COL26A1: variants seen among roughly 807,000 people sequenced by gnomAD.
The protein encoded by COL26A1 is collagen type XXVI alpha 1 chain.
A neutral mutation model predicts 59.3 loss-of-function variants in COL26A1; 41 were observed. That is an observed-to-expected ratio of 0.69 (90% CI 0.54 to 0.90). COL26A1 has a LOEUF of 0.90. Among genes scored for constraint, COL26A1 ranks in the 40% least tolerant of loss-of-function variants. The pLI is 0.00. For synonymous variants in COL26A1, 266 were observed against 256.0 expected, an observed-to-expected ratio of 1.04 and a Z score of -0.37; for missense variants, 612 against 602.3, an observed-to-expected ratio of 1.02 and a Z score of -0.17.
chr7:101,548,354 T>C (rs60655684), intron 8 of COL26A1, among the ~76,000 whole-genome samples: 2,901 of 152,170 alleles, frequency 0.019, 84 homozygotes, highest in African/African-American at 0.066. Context: ...GGCTGGAGAT[T>C]AGTCATGAAT....
intron 3 of COL26A1, among the ~76,000 whole-genome samples, chr7:101,448,844 C>T (rs559782116): frequency 6.6e-6 from 1 of 152,316 alleles, no homozygotes; most frequent in East Asian, 1.9e-4. Flanking sequence ...CCTTCGCTTT[C>T]TGACAAAATT....
At chr7:101,501,229 A>T (rs966365366) in intron 3 of COL26A1, among the ~76,000 whole-genome samples, 7 of 151,616 alleles carry the variant, frequency 4.6e-5, no homozygotes, top group Non-Finnish European at 8.8e-5. Flanking sequence ...AAAAAAAAAA[A>T]AAAAGAAATG....
In COL26A1 at chr7:101,539,606, G is replaced by A. The variant is rs371890080; in HGVS notation, c.448-287G>A. Reference sequence around the variant, plus strand: ...GCCTCTTAAAGTGCTGGGATTACAGGCATGAGCCACCACTCCCAGCCAGCA... The same window carrying A: ...GCCTCTTAAAGTGCTGGGATTACAGACATGAGCCACCACTCCCAGCCAGCA... On this transcript the variant is annotated intron_variant, in intron 4 of 12. Transcript: ENST00000313669. Among the ~76,000 whole-genome samples, 44 of 152,226 alleles carry A rather than the reference G, an allele frequency of 2.9e-4. No individual in the cohort carries two copies. In the East Asian group the frequency reaches 2.9e-3, roughly 10 times the overall value.
chr7:101,548,277 G>C (rs1382919537), intron 8 of COL26A1, among the ~76,000 whole-genome samples: 4 of 152,146 alleles, frequency 2.6e-5, no homozygotes, highest in Non-Finnish European at 5.9e-5. Context: ...CACAGGGAGG[G>C]ATCATGAGAG....
intron 1 of COL26A1, among the ~76,000 whole-genome samples, chr7:101,383,048 A>C (rs1463889891): frequency 6.6e-6 from 1 of 152,136 alleles, no homozygotes; most frequent in Non-Finnish European, 1.5e-5. Flanking sequence ...TCTCAAAAAA[A>C]CAAAAACAAG....
chr7:101,469,073 C>T (rs532440667), intron 3 of COL26A1, among the ~76,000 whole-genome samples: 4 of 152,256 alleles, frequency 2.6e-5, no homozygotes, highest in South Asian at 2.1e-4. Context: ...TCAGCAGACA[C>T]GCATGTTGAG....
At chr7:101,368,117 G>A (rs949195480) in intron 1 of COL26A1, among the ~76,000 whole-genome samples, 2 of 152,082 alleles carry the variant, frequency 1.3e-5, no homozygotes, top group Non-Finnish European at 2.9e-5. Context: ...TTTATTTCCA[G>A]ATAATGGGAA....
chr7:101,446,668 G>A (rs570869585), intron 2 of COL26A1, among the ~76,000 whole-genome samples: 1 of 152,230 alleles, frequency 6.6e-6, no homozygotes, highest in South Asian at 2.1e-4. Context: ...CAAACATGGT[G>A]AAACCCTGTC....
intron 1 of COL26A1, 129 bp downstream of exon 1, chr7:101,363,319 G>A: frequency 2.5e-6 from 2 of 786,720 alleles, no homozygotes; most frequent in Non-Finnish European, 3.7e-6. Flanking sequence ...TGGGGGCGCA[G>A]GGCAGCGGGG....
chr7:101,465,035 T>C lies in COL26A1; in HGVS notation c.385+17248T>C, dbSNP rs1332278329. ...CTTTAAGCTTCTAATTCTTTCTTTC[T>C]TTTTTTTTTTTTTTTTTGTTGGGAC... On this transcript the variant is annotated intron_variant, in intron 3 of 12. Coordinates refer to ENST00000313669, the MANE Select transcript of COL26A1 (RefSeq NM_001278563.3). Among the ~76,000 whole-genome samples, 8 of 62,546 alleles carry C rather than the reference T, an allele frequency of 1.3e-4. No homozygotes were observed. In the East Asian group the frequency reaches 1.8e-3, roughly 14 times the overall value. 41.0% of individuals were successfully genotyped at this position (62,546 alleles called of 152,430 possible). A position where few individuals can be genotyped will look rare whatever the true frequency, so the allele number is the denominator to read the frequency against.
intron 3 of COL26A1, among the ~76,000 whole-genome samples, chr7:101,470,320 C>T (rs927979098): frequency 6.6e-6 from 1 of 151,890 alleles, no homozygotes; most frequent in Non-Finnish European, 1.5e-5. Flanking sequence ...TCTTGAACTC[C>T]TGACCTCAGG....
chr7:101,539,837 A>G, intron 4 of COL26A1, 56 bp from the exon 5 acceptor site: 1 of 1,555,072 alleles, frequency 6.4e-7, no homozygotes, highest in Non-Finnish European at 8.7e-7. Context: ...TGTGTCACGC[A>G]TGTCCCTATG....
At chr7:101,535,698 TCCCA>T (rs1795466919) in intron 4 of COL26A1, among the ~76,000 whole-genome samples, 1 of 152,170 alleles carries the variant, frequency 6.6e-6, no homozygotes, top group Non-Finnish European at 1.5e-5. Context: ...AGGCCAAGAT[TCCCA>T]CCCTTCCTCC....
intron 3 of COL26A1, among the ~76,000 whole-genome samples, chr7:101,502,358 AAAC>A (rs1352435633): frequency 3.3e-5 from 5 of 151,156 alleles, no homozygotes; most frequent in Admixed American, 6.6e-5. Context: ...CAACAACAAC[AAAC>A]AACAACAACA....
At chr7:101,551,768 G>A (rs373149500) in intron 10 of COL26A1, among the ~76,000 whole-genome samples, 7 of 151,728 alleles carry the variant, frequency 4.6e-5, no homozygotes, top group East Asian at 1.9e-4. Flanking sequence ...AAAATTATGA[G>A]TATAGACTCC....
intron 3 of COL26A1, among the ~76,000 whole-genome samples, chr7:101,468,832 C>G (rs1174593790): frequency 6.6e-6 from 1 of 152,202 alleles, no homozygotes; most frequent in Non-Finnish European, 1.5e-5. Flanking sequence ...GCCCTTGGCG[C>G]TCAGCTGAGA....
chr7:101,458,495 G>A (rs577968421), intron 3 of COL26A1, among the ~76,000 whole-genome samples: 6 of 152,104 alleles, frequency 3.9e-5, no homozygotes, highest in South Asian at 2.1e-4. Flanking sequence ...AAAACTAGCC[G>A]GGCGTGGTGG....
At chr7:101,397,381 CTTCT>C (rs942275498) in intron 1 of COL26A1, among the ~76,000 whole-genome samples, 3 of 151,166 alleles carry the variant, frequency 2.0e-5, no homozygotes, top group African/African-American at 4.9e-5. Flanking sequence ...TCTTCTTCAT[CTTCT>C]TTCTTTTTTT....
chr7:101,509,392 G>A (rs1794876030), intron 3 of COL26A1, among the ~76,000 whole-genome samples: 1 of 152,106 alleles, frequency 6.6e-6, no homozygotes, highest in African/African-American at 2.4e-5. Flanking sequence ...GTTGCAGTAA[G>A]CTGAGATCGT....
Sources: gnomAD v4.1 joint callset for allele counts (sites outside exome capture counted in the v4.1 genomes callset) on GRCh38, gnomAD v4.1.1 for gene constraint, MANE v1.5 for transcripts, NCBI Gene and HGNC (gene_info 2026-07-23, HGNC 2026-07-21) for gene names.